LSAMP: variants seen among roughly 807,000 people sequenced by gnomAD.
LSAMP encodes the protein limbic system-associated membrane protein.
LSAMP carries 7 observed loss-of-function variants against 38.6 expected under a neutral mutation model. The ratio of observed to expected loss-of-function variants is 0.18; its 90% CI spans 0.10 to 0.34. LSAMP has a LOEUF of 0.34. Ranked by LOEUF, LSAMP falls within the 10% of genes least tolerant of loss-of-function variation. The pLI is 1.00. For missense variants in LSAMP, 313 were observed against 420.0 expected (o/e 0.75, Z 2.23); for synonymous variants, 154 against 166.8 (o/e 0.92, Z 0.59).
rs538142735 is a variant in LSAMP, at chr3:116,190,223, G to T, written c.156-103667C>A. 3.9e-5 allele frequency among the ~76,000 whole-genome samples: 6 copies of T among 151,996 alleles called. No homozygotes were observed. In the East Asian group the frequency reaches 1.2e-3, roughly 29 times the overall value. On this transcript the variant is annotated intron_variant, in intron 1 of 6. Coordinates refer to ENST00000490035, the MANE Select transcript of LSAMP (RefSeq NM_002338.5). ...AATTCCTGGATGGTGCACTTGTCAC[G>T]CAAGAAACTGAAACAATTATATGTG...
chr3:116,079,356 C>T (rs1707822011), intron 2 of LSAMP, among the ~76,000 whole-genome samples: 2 of 152,050 alleles, frequency 1.3e-5, no homozygotes, highest in African/African-American at 2.4e-5. Context: ...AGCTTTTTAA[C>T]TAATAAGAAT....
intron 3 of LSAMP, among the ~76,000 whole-genome samples, chr3:115,919,222 A>T (rs75194165): frequency 0.023 from 3,577 of 152,300 alleles, 163 homozygotes; most frequent in African/African-American, 0.08. Context: ...TGACAACATG[A>T]TCCATTCAGA....
intron 1 of LSAMP, among the ~76,000 whole-genome samples, chr3:116,190,104 C>G (rs201944111): frequency 0.47 from 70,850 of 149,192 alleles, 18,758 homozygotes; most frequent in East Asian, 0.72. Context: ...CACACACACA[C>G]ACACACACAC....
intron 1 of LSAMP, among the ~76,000 whole-genome samples, chr3:116,197,014 A>C (rs1465249103): frequency 6.6e-6 from 1 of 152,142 alleles, no homozygotes; most frequent in Non-Finnish European, 1.5e-5. Flanking sequence ...ATTAAATGAA[A>C]GGGCAGACTA....
chr3:116,077,395 C>T (rs1415908454), intron 2 of LSAMP, among the ~76,000 whole-genome samples: 4 of 151,714 alleles, frequency 2.6e-5, no homozygotes, highest in Non-Finnish European at 4.4e-5. Flanking sequence ...TAAACTATAT[C>T]CTATGTATTT....
At position 116,116,018 on chromosome 3, in the gene LSAMP, A is replaced by ATT. The variant is rs149748301; in HGVS notation, c.156-29464_156-29463dup. 1.5e-3 allele frequency among the ~76,000 whole-genome samples: 201 copies of ATT among 130,538 alleles called. 3 individuals are homozygous for ATT. The highest frequency in any genetic ancestry group is 5.2e-3 in the African/African-American group (189 of 36,556). 85.6% of individuals were successfully genotyped at this position (130,538 alleles called of 152,430 possible). A position where few individuals can be genotyped will look rare whatever the true frequency, so the allele number is the denominator to read the frequency against. ...ACTATTACATTGTTAATTTCCTCTC[A>ATT]TTTTTTTTTTCTTTTTTTTTCTTCT... On this transcript the variant is annotated intron_variant, in intron 1 of 6. Transcript: ENST00000490035.
intron 3 of LSAMP, among the ~76,000 whole-genome samples, chr3:115,989,882 A>G (rs907576953): frequency 6.6e-6 from 1 of 152,038 alleles, no homozygotes; most frequent in African/African-American, 2.4e-5. Flanking sequence ...AGTTAGAGTA[A>G]CTCAGAATAA....
At chr3:116,368,594 G>T (rs541022893) in intron 1 of LSAMP, among the ~76,000 whole-genome samples, 8 of 152,062 alleles carry the variant, frequency 5.3e-5, no homozygotes, top group African/African-American at 1.9e-4. Flanking sequence ...AATCTACTTC[G>T]TAAGCTTCCT....
intron 1 of LSAMP, among the ~76,000 whole-genome samples, chr3:116,210,807 G>C (rs993486202): frequency 1.3e-5 from 2 of 152,072 alleles, no homozygotes; most frequent in African/African-American, 4.8e-5. Flanking sequence ...ACAATGAAAA[G>C]TCAGAGACAG....
intron 2 of LSAMP, 32 bp from the exon 3 acceptor site, chr3:116,019,672 C>A: frequency 6.2e-7 from 1 of 1,603,624 alleles, no homozygotes; most frequent in Non-Finnish European, 8.5e-7. Context: ...GAATATGTAA[C>A]CATGTCAGTA....
chr3:116,273,330 C>T lies in LSAMP; in HGVS notation c.155+171547G>A, dbSNP rs1000373173. On this transcript the variant is annotated intron_variant, in intron 1 of 6. Coordinates refer to ENST00000490035, the MANE Select transcript of LSAMP (RefSeq NM_002338.5). ...ACTCTACCTAGTTCTTTATTTTCTTCCCTCAAGTGGGAAACCTGCCTCCAT... is the reference window on the plus strand; with the variant it reads ...ACTCTACCTAGTTCTTTATTTTCTTTCCTCAAGTGGGAAACCTGCCTCCAT... Among the ~76,000 whole-genome samples, 3 of 151,890 alleles carry T rather than the reference C, an allele frequency of 2.0e-5. No homozygotes were observed. The South Asian group carries it at 6.2e-4, about 32-fold the overall frequency.
chr3:116,146,714 G>A (rs1006049232), intron 1 of LSAMP, among the ~76,000 whole-genome samples: 1 of 151,862 alleles, frequency 6.6e-6, no homozygotes, highest in Admixed American at 6.6e-5. Flanking sequence ...GGATAATGAG[G>A]TGATTATCAG....
intron 1 of LSAMP, among the ~76,000 whole-genome samples, chr3:116,247,767 A>G (rs1204286002): frequency 6.6e-6 from 1 of 152,212 alleles, no homozygotes; most frequent in Non-Finnish European, 1.5e-5. Flanking sequence ...GGTTTCAACT[A>G]TTAATGTACA....
chr3:116,303,482 A>G (rs761621897), intron 1 of LSAMP, among the ~76,000 whole-genome samples: 2 of 152,098 alleles, frequency 1.3e-5, no homozygotes, highest in Non-Finnish European at 2.9e-5. Flanking sequence ...CTTTTTTTGG[A>G]TTGAAATTCA....
chr3:116,230,715 A>G (rs2046393763), intron 1 of LSAMP, among the ~76,000 whole-genome samples: 1 of 152,136 alleles, frequency 6.6e-6, no homozygotes, highest in Admixed American at 6.6e-5. Context: ...AGCTCCTTGG[A>G]ACCCACTCGG....
At chr3:116,035,720 T>C (rs1423716731) in intron 2 of LSAMP, among the ~76,000 whole-genome samples, 1 of 152,198 alleles carries the variant, frequency 6.6e-6, no homozygotes. Flanking sequence ...ATTTAGTCCA[T>C]CTGCTTCCTG....
Position 116,209,797 on chromosome 3 carries a change from G to C in LSAMP, c.156-123241C>G, listed in dbSNP as rs141725588. On this transcript the variant is annotated intron_variant, in intron 1 of 6. Transcript: ENST00000490035. ...GTTGGAGTTTCACTCTGTCCCCCAG[G>C]CTGGAGCGCAGTGGCACGATCTCCG... 6.6e-5 allele frequency among the ~76,000 whole-genome samples: 10 copies of C among 151,996 alleles called. No individual in the cohort carries two copies. The South Asian group carries it at 1.0e-3, about 16-fold the overall frequency.
intron 3 of LSAMP, among the ~76,000 whole-genome samples, chr3:116,011,976 G>A (rs982403773): frequency 2.0e-5 from 3 of 152,206 alleles, no homozygotes; most frequent in Non-Finnish European, 4.4e-5. Flanking sequence ...TATTGGAATA[G>A]ATAGATCTTA....
chr3:115,948,344 C>T (rs1033794828), intron 3 of LSAMP, among the ~76,000 whole-genome samples: 17 of 152,092 alleles, frequency 1.1e-4, no homozygotes, highest in African/African-American at 3.9e-4. Context: ...TTCATTAGCA[C>T]ATGGAACATT....
Sources: allele counts gnomAD v4.1 joint callset (sites outside exome capture counted in the v4.1 genomes callset), GRCh38; gene constraint gnomAD v4.1.1; transcripts MANE v1.5; gene names NCBI Gene and HGNC (gene_info 2026-07-23, HGNC 2026-07-21).